Variants in FOXP2 observed in about 807,000 individuals in gnomAD.
The protein encoded by FOXP2 is forkhead box protein P2.
FOXP2 carries 12 observed loss-of-function variants against 115.8 expected under a neutral mutation model. That is an observed-to-expected ratio of 0.10 (90% CI 0.07 to 0.17). FOXP2 has a LOEUF of 0.17. FOXP2 is among the 10% of genes least tolerant of loss of function. FOXP2 has a pLI of 1.00. For missense variants in FOXP2, 629 were observed against 843.5 expected (o/e 0.75, Z 3.15); for synonymous variants, 328 against 297.7 (o/e 1.10, Z -1.05).
chr7:114,529,880 T>C (rs1799056694), intron 2 of FOXP2, among the ~76,000 whole-genome samples: 1 of 151,924 alleles, frequency 6.6e-6, no homozygotes, highest in South Asian at 2.1e-4. Context: ...AATACGAATT[T>C]ATATCCTTTC....
chr7:114,087,253 G>C (rs1799438306), upstream of FOXP2, among the ~76,000 whole-genome samples: 1 of 152,172 alleles, frequency 6.6e-6, no homozygotes, highest in South Asian at 2.1e-4. Context: ...GGACACTCCT[G>C]TTTCTGGAGT....
intron 1 of FOXP2, among the ~76,000 whole-genome samples, chr7:114,111,489 T>G (rs564660463): frequency 6.6e-6 from 1 of 152,178 alleles, no homozygotes; most frequent in East Asian, 1.9e-4. Flanking sequence ...ATTGTTACCT[T>G]TAGCACTAAA....
At chr7:114,608,026 T>TA (rs1281659270) in intron 3 of FOXP2, among the ~76,000 whole-genome samples, 2 of 152,224 alleles carry the variant, frequency 1.3e-5, no homozygotes, top group Non-Finnish European at 2.9e-5. Flanking sequence ...TATTTAGTAT[T>TA]ACAGTTGTTA....
At chr7:114,311,331 T>G (rs928475502) in intron 2 of FOXP2, among the ~76,000 whole-genome samples, 10 of 152,176 alleles carry the variant, frequency 6.6e-5, no homozygotes, top group Non-Finnish European at 1.5e-4. Flanking sequence ...CATAACTGTT[T>G]CCTGCTGACA....
At chr7:114,141,197 A>C (rs1334120574) in intron 1 of FOXP2, among the ~76,000 whole-genome samples, 2 of 152,182 alleles carry the variant, frequency 1.3e-5, no homozygotes, top group African/African-American at 4.8e-5. Context: ...ACAATAAGGC[A>C]ATGAGAGAAT....
intron 2 of FOXP2, among the ~76,000 whole-genome samples, chr7:114,331,400 A>C (rs746261610): frequency 6.6e-6 from 1 of 152,164 alleles, no homozygotes; most frequent in Non-Finnish European, 1.5e-5. Context: ...TTTTAATATC[A>C]ATATATAACC....
intron 3 of FOXP2, among the ~76,000 whole-genome samples, chr7:114,592,770 T>A (rs1802503048): frequency 6.6e-6 from 1 of 152,048 alleles, no homozygotes; most frequent in African/African-American, 2.4e-5. Context: ...CAGCATTCAA[T>A]TATGTTTAAA....
chr7:114,213,571 A>G (rs968031697), intron 1 of FOXP2, among the ~76,000 whole-genome samples: 1 of 152,180 alleles, frequency 6.6e-6, no homozygotes, highest in African/African-American at 2.4e-5. Context: ...ACAGCTTCAT[A>G]TCTTATATAT....
intron 1 of FOXP2, among the ~76,000 whole-genome samples, chr7:114,266,992 C>T (rs1195421528): frequency 1.3e-5 from 2 of 151,840 alleles, no homozygotes; most frequent in African/African-American, 2.4e-5. Flanking sequence ...TGTTATAAAA[C>T]GTTTGAATAG....
chr7:114,134,431 C>T (rs1791972833), intron 1 of FOXP2, among the ~76,000 whole-genome samples: 1 of 152,170 alleles, frequency 6.6e-6, no homozygotes. Context: ...TAATAACTAT[C>T]TTAAGAAATG....
chr7:114,665,137 G>A (rs754066843), intron 16 of FOXP2: 1 of 152,090 alleles, frequency 6.6e-6, no homozygotes, highest in Non-Finnish European at 1.5e-5. Flanking sequence ...TTGATGTATT[G>A]TGGATTTCAG....
intron 3 of FOXP2, among the ~76,000 whole-genome samples, chr7:114,566,601 C>G (rs961254353): frequency 1.3e-5 from 2 of 152,118 alleles, no homozygotes; most frequent in African/African-American, 4.8e-5. Flanking sequence ...GATGCCAGCA[C>G]CATGCTTCTT....
At chr7:114,663,369 C>A in intron 14 of FOXP2, 81 bp from the exon 15 acceptor site, 1 of 1,044,230 alleles carries the variant, frequency 9.6e-7, no homozygotes, top group Non-Finnish European at 1.5e-6. Flanking sequence ...CAAGCCAGAA[C>A]ATACCTTTAT....
chr7:114,163,051 A>T (rs1038803504), exon 1 of FOXP2: 2 of 152,174 alleles, frequency 1.3e-5, no homozygotes, highest in Admixed American at 1.3e-4. Context: ...AAGATTCCTC[A>T]ATCCTGAGAG....
intron 3 of FOXP2, among the ~76,000 whole-genome samples, chr7:114,585,459 T>G (rs762280614): frequency 7.2e-5 from 11 of 151,996 alleles, no homozygotes; most frequent in Non-Finnish European, 1.5e-4. Context: ...ATGTAGAATC[T>G]CAGTGGGGCC....
chr7:114,158,715 A>C (rs1792739553), upstream of FOXP2, among the ~76,000 whole-genome samples: 1 of 152,074 alleles, frequency 6.6e-6, no homozygotes, highest in East Asian at 1.9e-4. Context: ...TACATGCAAA[A>C]ATTTTTGTAG....
Position 114,320,366 on chromosome 7 carries a change from A to T in FOXP2, c.-11+32257A>T, listed in dbSNP as rs554477910. On this transcript the variant is annotated intron_variant, in intron 2 of 17. Transcript: ENST00000634411. The stretch of plus-strand genomic sequence containing the variant: ...AGTCTTCCAGGTATAATTCAGCCCT[A>T]CCACCTCTGTGTTCTTAAGGTATTT... 3.3e-5 allele frequency among the ~76,000 whole-genome samples: 5 copies of T among 152,352 alleles called. No individual in the cohort carries two copies. The South Asian group carries it at 8.3e-4, about 25-fold the overall frequency.
intron 3 of FOXP2, among the ~76,000 whole-genome samples, chr7:114,595,421 A>G (rs1176752378): frequency 6.6e-6 from 1 of 152,012 alleles, no homozygotes; most frequent in African/African-American, 2.4e-5. Context: ...TTCTTCCTAA[A>G]ATTCCTGAAG....
intron 1 of FOXP2, 107 bp from the exon 2 acceptor site, chr7:114,426,395 C>T: frequency 1.9e-6 from 2 of 1,029,716 alleles, no homozygotes; most frequent in Non-Finnish European, 3.0e-6. Context: ...TTTTTTCTTC[C>T]CCCTCTTCTA....
Sources: gnomAD v4.1 joint callset for allele counts (sites outside exome capture counted in the v4.1 genomes callset) on GRCh38, gnomAD v4.1.1 for gene constraint, MANE v1.5 for transcripts, NCBI Gene and HGNC (gene_info 2026-07-23, HGNC 2026-07-21) for gene names.